Variants in CRTC3 observed in about 807,000 individuals in gnomAD.
The protein encoded by CRTC3 is CREB-regulated transcription coactivator 3.
Under a neutral mutation model 74.5 loss-of-function variants are expected in CRTC3, and 26 were observed. The observed-to-expected ratio is 0.35, with a 90% CI of 0.26 to 0.48. The LOEUF (loss-of-function observed/expected upper bound fraction) is 0.48, where lower values mean the gene tolerates loss of function less well. CRTC3 is among the 20% of genes least tolerant of loss of function. The pLI is 0.99. For synonymous variants in CRTC3, 377 were observed against 325.8 expected (o/e 1.16, Z -1.69); for missense variants, 760 against 787.3 (o/e 0.97, Z 0.41).
intron 5 of CRTC3, among the ~76,000 whole-genome samples, chr15:90,606,335 G>A (rs369781793): frequency 1.3e-5 from 2 of 152,128 alleles, no homozygotes; most frequent in Admixed American, 6.5e-5. Context: ...GCTGAGGCAG[G>A]TGGATCACCC....
intron 6 of CRTC3, chr15:90,613,943 A>T (rs1337229639): frequency 6.6e-6 from 1 of 152,452 alleles, no homozygotes; most frequent in Non-Finnish European, 1.5e-5. Context: ...CTTTAAATTA[A>T]CTTAGACTCC....
chr15:90,592,736 G>C (rs1256404878), intron 2 of CRTC3, among the ~76,000 whole-genome samples: 1 of 152,176 alleles, frequency 6.6e-6, no homozygotes, highest in Non-Finnish European at 1.5e-5. Context: ...TGTCTAAAAT[G>C]ATGAGTCAGT....
intron 1 of CRTC3, among the ~76,000 whole-genome samples, chr15:90,533,084 CAAAAAAAAAAAAAAAAAAAAAA>C (rs766911510): frequency 2.1e-4 from 4 of 18,876 alleles, no homozygotes; most frequent in African/African-American, 4.5e-4. Context: ...GACTTCATCT[CAAAAAAAAAAAAAAAAAAAAAA>C]AAAAAAAAAA....
intron 2 of CRTC3, among the ~76,000 whole-genome samples, chr15:90,564,264 C>T (rs2151066949): frequency 6.6e-6 from 1 of 152,288 alleles, no homozygotes; most frequent in East Asian, 1.9e-4. Context: ...TCTCTGAATG[C>T]AGAAGTTGAA....
intron 2 of CRTC3, among the ~76,000 whole-genome samples, chr15:90,592,330 T>C (rs1967820174): frequency 6.6e-6 from 1 of 152,232 alleles, no homozygotes; most frequent in African/African-American, 2.4e-5. Flanking sequence ...CAAAACATCA[T>C]GTTGTACAGT....
intron 5 of CRTC3, among the ~76,000 whole-genome samples, chr15:90,606,419 G>A (rs1968222197): frequency 6.6e-6 from 1 of 151,914 alleles, no homozygotes; most frequent in South Asian, 2.1e-4. Flanking sequence ...AAAGTTAGCT[G>A]GGCATGGTGA....
chr15:90,563,671 C>A (rs989485860), intron 2 of CRTC3, among the ~76,000 whole-genome samples: 6 of 152,066 alleles, frequency 3.9e-5, no homozygotes, highest in Non-Finnish European at 5.9e-5. Flanking sequence ...TTTCATGCAA[C>A]ACTCCCCCTT....
chr15:90,635,899 A>G (rs577706480), intron 11 of CRTC3, among the ~76,000 whole-genome samples: 2 of 152,258 alleles, frequency 1.3e-5, no homozygotes, highest in African/African-American at 4.8e-5. Flanking sequence ...GCTCAATGAA[A>G]TAAAAGAGGA....
At chr15:90,574,617 G>A (rs185838531) in intron 2 of CRTC3, among the ~76,000 whole-genome samples, 1 of 152,296 alleles carries the variant, frequency 6.6e-6, no homozygotes, top group Non-Finnish European at 1.5e-5. Context: ...TGTAGTTTTA[G>A]TAGATATTGT....
At chr15:90,626,856 C>G (rs1390636520) in intron 10 of CRTC3, among the ~76,000 whole-genome samples, 1 of 152,198 alleles carries the variant, frequency 6.6e-6, no homozygotes, top group East Asian at 1.9e-4. Flanking sequence ...CTCAAGTGAT[C>G]CACCCGCCTT....
chr15:90,625,792 G>A lies in CRTC3; in HGVS notation c.766G>A (p.Gly256Ser). The part of the protein sequence containing the change: ...VGGGNAFPHN[G>S]QNLGLSPFLG... ...TTTTTTCAGTGCTTTTCCACATAAT[G>A]GTCAAAACCTAGGCCTCTCACCCTT... Residue 256 changes from glycine to serine, a missense_variant, in exon 10 of 15, where the codon GGT becomes AGT. Physicochemically the swap from Gly to Ser is moderately conservative, Grantham distance 56. This residue lies in a region of CRTC3 where 652 missense variants were observed against 635.2 expected (regional missense o/e 1.03). Transcript: ENST00000268184. The A allele has an allele frequency of 6.2e-7, 1 of 1,613,934 alleles. No individual in the cohort carries two copies. The highest frequency in any genetic ancestry group is 8.5e-7 in the Non-Finnish European group (1 of 1,179,828).
chr15:90,578,781 A>G (rs1393394946), intron 2 of CRTC3, among the ~76,000 whole-genome samples: 1 of 152,188 alleles, frequency 6.6e-6, no homozygotes, highest in East Asian at 1.9e-4. Context: ...CTCCACTGTT[A>G]TATAGGGTAT....
rs1448739273 is a variant in CRTC3, at chr15:90,645,001, C to A, written c.*2861C>A. ...GGGTTTCTTGATCATGTCATGAATT[C>A]TCCTTTGTCCTGTTTCTCCTGTTTC... On this transcript the variant is annotated 3_prime_UTR_variant, in exon 15 of 15. Transcript: ENST00000268184. The A allele has an allele frequency of 4.3e-6, 1 of 231,926 alleles. No homozygotes were observed. The highest frequency in any genetic ancestry group is 2.2e-5 in the African/African-American group (1 of 45,210). The allele number at this position is 231,926 out of a possible 1,614,324, so 14.4% of individuals were successfully genotyped here.
At chr15:90,572,860 G>A (rs1967307414) in intron 2 of CRTC3, among the ~76,000 whole-genome samples, 1 of 152,118 alleles carries the variant, frequency 6.6e-6, no homozygotes, top group Non-Finnish European at 1.5e-5. Flanking sequence ...ACAGGCGTGA[G>A]CCACCATGCC....
chr15:90,606,445 C>T (rs1381588844), intron 5 of CRTC3, among the ~76,000 whole-genome samples: 1 of 151,956 alleles, frequency 6.6e-6, no homozygotes, highest in Non-Finnish European at 1.5e-5. Flanking sequence ...GTCTATAATC[C>T]CAGCTACACG....
chr15:90,598,590 G>A, intron 3 of CRTC3: 2 of 697,560 alleles, frequency 2.9e-6, no homozygotes, highest in Non-Finnish European at 2.6e-6. Context: ...GAGTGTCTTG[G>A]TGGACGGTGG....
chr15:90,637,599 A>G (rs937524628), intron 11 of CRTC3, among the ~76,000 whole-genome samples: 3 of 152,188 alleles, frequency 2.0e-5, no homozygotes, highest in Non-Finnish European at 4.4e-5. Context: ...TGTTTTCAGT[A>G]AAGTGCCTCA....
chr15:90,542,460 TGAAC>T (rs1966818812), intron 2 of CRTC3, among the ~76,000 whole-genome samples: 1 of 152,212 alleles, frequency 6.6e-6, no homozygotes, highest in Non-Finnish European at 1.5e-5. Context: ...ATTACAGGCA[TGAAC>T]TACTGTGCCC....
At chr15:90,568,587 G>T (rs762474995) in intron 2 of CRTC3, among the ~76,000 whole-genome samples, 4 of 142,808 alleles carry the variant, frequency 2.8e-5, no homozygotes, top group Non-Finnish European at 4.4e-5. Context: ...CTGGCCTTAA[G>T]TGTTCCACCT....
Sources: allele counts gnomAD v4.1 joint callset (sites outside exome capture counted in the v4.1 genomes callset), GRCh38; gene constraint gnomAD v4.1.1; regional missense constraint gnomAD v4.1.1; transcripts MANE v1.5; gene names NCBI Gene and HGNC (gene_info 2026-07-23, HGNC 2026-07-21).